Variants in SMAD4 observed in about 807,000 individuals in gnomAD.
SMAD4 encodes the protein MAD homolog 4.
SMAD4 carries 7 observed loss-of-function variants against 63.2 expected under a neutral mutation model. The observed-to-expected ratio is 0.11, with a 90% CI of 0.06 to 0.21. The LOEUF (loss-of-function observed/expected upper bound fraction) is 0.21. Among genes scored for constraint, SMAD4 ranks in the 10% least tolerant of loss-of-function variants. SMAD4 has a pLI of 1.00. For missense variants in SMAD4, 312 were observed against 693.8 expected (o/e 0.45, Z 6.18); for synonymous variants, 215 against 235.4 (o/e 0.91, Z 0.79).
At position 51,065,211 on chromosome 18, in the gene SMAD4, A is replaced by G. The variant is rs147026915; in HGVS notation, c.956-212A>G. On this transcript the variant is annotated intron_variant, in intron 8 of 11. Transcript: ENST00000342988. The stretch of plus-strand genomic sequence containing the variant: ...AAAAAAAAAAATTAGTGTTTTAAGA[A>G]CAGTGCTAAGTACTGAGCTAGAAAA... Among the ~76,000 whole-genome samples, 230 of 152,344 alleles carry G rather than the reference A, an allele frequency of 1.5e-3. 2 individuals are homozygous for G. Among genetic ancestry groups the G allele is most frequent in the Middle Eastern group, 0.01 (3 of 294 alleles).
rs768086109 is a variant in SMAD4, at chr18:51,076,686, A to G, written c.1357A>G (p.Thr453Ala). 1 of 1,611,600 alleles carries G rather than the reference A, an allele frequency of 6.2e-7. No individual in the cohort carries two copies. Among genetic ancestry groups the G allele is most frequent in the Non-Finnish European group, 8.5e-7 (1 of 1,177,714 alleles). ...CHRQMQQQAA[T>A]AQAAAAAQAA... ...TCGACAGATGCAGCAGCAGGCGGCT[A>G]CTGCACAAGCTGCAGCAGCTGCCCA... Residue 453 changes from threonine to alanine, a missense_variant, in exon 11 of 12, where the codon ACT (threonine) becomes GCT (alanine). Thr to Ala is a moderately conservative substitution (Grantham distance 58). Around this residue, in one of 4 missense-constraint regions of SMAD4, gnomAD observed 92 missense variants for 305.9 expected, o/e 0.30. Transcript: ENST00000342988.
intron 4 of SMAD4, chr18:51,051,546 A>G (rs1320973740): frequency 2.7e-6 from 1 of 376,752 alleles, no homozygotes; most frequent in Non-Finnish European, 5.2e-6. Context: ...ATTCATTTTA[A>G]CAAGTATTTA....
chr18:51,041,235 C>T (rs996894407), intron 1 of SMAD4, among the ~76,000 whole-genome samples: 3 of 152,212 alleles, frequency 2.0e-5, no homozygotes, highest in African/African-American at 7.2e-5. Flanking sequence ...TGAACCTACT[C>T]TAGACAAAGC....
intron 8 of SMAD4, among the ~76,000 whole-genome samples, chr18:51,060,905 A>G (rs1398750647): frequency 1.3e-5 from 2 of 151,852 alleles, no homozygotes; most frequent in Non-Finnish European, 2.9e-5. Flanking sequence ...TTATTTATTT[A>G]TTTATTTATT....
intron 10 of SMAD4, among the ~76,000 whole-genome samples, chr18:51,067,559 C>A (rs1327896995): frequency 6.6e-6 from 1 of 151,876 alleles, no homozygotes; most frequent in Non-Finnish European, 1.5e-5. Context: ...ATTACAGGCA[C>A]ATGTTACTGT....
intron 10 of SMAD4, among the ~76,000 whole-genome samples, chr18:51,073,667 A>T (rs1447297679): frequency 3.3e-5 from 5 of 151,668 alleles, no homozygotes; most frequent in Non-Finnish European, 7.4e-5. Flanking sequence ...AGTATCTGGG[A>T]TCACAAGCTT....
rs575797348 is a variant in SMAD4 at position 51,084,157 on chromosome 18, T to A, written c.*5690T>A. 35 of 220,120 alleles carry A rather than the reference T, an allele frequency of 1.6e-4. No homozygotes were observed. Among genetic ancestry groups the A allele is most frequent in the Middle Eastern group, 2.6e-3 (2 of 758 alleles). The allele number at this position is 220,120 out of a possible 1,614,324, so 13.6% of individuals were successfully genotyped here. On this transcript the variant is annotated 3_prime_UTR_variant, in exon 12 of 12. Coordinates refer to ENST00000342988, the MANE Select transcript of SMAD4 (RefSeq NM_005359.6). ...TTATTAAGGCTTTCGAGTCATGACA[T>A]TATAGCTTTTGAGTTGGTGTGTGTG...
At chr18:51,042,437 T>G (rs534389255) in intron 1 of SMAD4, among the ~76,000 whole-genome samples, 1 of 151,978 alleles carries the variant, frequency 6.6e-6, no homozygotes, top group Admixed American at 6.6e-5. Context: ...AGTGGCGTGA[T>G]CTTGGCTCAC....
intron 8 of SMAD4, among the ~76,000 whole-genome samples, chr18:51,063,436 G>A (rs554554420): frequency 2.5e-4 from 38 of 151,402 alleles, no homozygotes; most frequent in Non-Finnish European, 5.0e-4. Flanking sequence ...TTTTTGAGAC[G>A]GGGTCTCACT....
rs752709023 is a variant in SMAD4, at chr18:51,065,619, T to C, written c.1139+13T>C. ...TTGAGAGAGCAAGGTATTGATTGTA[T>C]AGTCAGATAGTTACTTTAAAAAATT... On this transcript the variant is annotated intron_variant, in intron 9 of 11. Coordinates refer to ENST00000342988, the MANE Select transcript of SMAD4 (RefSeq NM_005359.6). 6.2e-7 allele frequency: 1 copy of C among 1,607,540 alleles called. No homozygotes were observed. Among genetic ancestry groups the C allele is most frequent in the East Asian group, 2.2e-5 (1 of 44,848 alleles).
intron 11 of SMAD4, among the ~76,000 whole-genome samples, chr18:51,077,801 G>T (rs142749258): frequency 4.2e-4 from 64 of 152,226 alleles, no homozygotes; most frequent in African/African-American, 1.4e-3. Flanking sequence ...TTGAGAGAGA[G>T]ACTTCATCTC....
At chr18:51,073,388 T>TATATATATA (rs1417299090) in intron 10 of SMAD4, among the ~76,000 whole-genome samples, 32 of 64,160 alleles carry the variant, frequency 5.0e-4, no homozygotes, top group Non-Finnish European at 7.4e-4. Flanking sequence ...TATATATATA[T>TATATATATA]ACACACACAC....
intron 1 of SMAD4, among the ~76,000 whole-genome samples, chr18:51,045,408 G>T (rs935235396): frequency 1.2e-4 from 18 of 152,144 alleles, no homozygotes; most frequent in African/African-American, 4.1e-4. Flanking sequence ...AGCACACAAA[G>T]TACAGGCTCC....
chr18:51,073,062 C>T (rs2144465378), intron 10 of SMAD4, among the ~76,000 whole-genome samples: 1 of 152,012 alleles, frequency 6.6e-6, no homozygotes, highest in South Asian at 2.1e-4. Flanking sequence ...CGTAAATAAT[C>T]TGTGGAAGGG....
intron 7 of SMAD4, among the ~76,000 whole-genome samples, chr18:51,058,893 T>C (rs964546237): frequency 1.3e-4 from 20 of 152,338 alleles, no homozygotes; most frequent in Middle Eastern, 3.4e-3. Flanking sequence ...TTGGGAGGAA[T>C]ACCCTACAGA....
chr18:51,056,002 A>T (rs1909835864), intron 5 of SMAD4, among the ~76,000 whole-genome samples: 1 of 152,192 alleles, frequency 6.6e-6, no homozygotes. Context: ...CACCACTTCA[A>T]AGCAACATGT....
chr18:51,076,615 T>A (rs1910476507), intron 10 of SMAD4, 23 bp from the exon 11 acceptor site: 1 of 1,611,856 alleles, frequency 6.2e-7, no homozygotes, highest in Non-Finnish European at 8.5e-7. Context: ...GAACTCATAG[T>A]ATGAAATGTT....
chr18:51,052,872 C>T, intron 4 of SMAD4: 1 of 157,864 alleles, frequency 6.3e-6, no homozygotes, highest in Middle Eastern at 6.5e-4. Context: ...TTTAAACATG[C>T]ATATGATCAT....
At chr18:51,066,783 T>C in intron 9 of SMAD4, 1 of 481,378 alleles carries the variant, frequency 2.1e-6, no homozygotes, top group Non-Finnish European at 3.7e-6. Flanking sequence ...AAGGGTTTAA[T>C]GAGAATTCAT....
Sources: gnomAD v4.1 joint callset for allele counts (sites outside exome capture counted in the v4.1 genomes callset) on GRCh38, gnomAD v4.1.1 for gene constraint, gnomAD v4.1.1 regional missense constraint, MANE v1.5 for transcripts, NCBI Gene and HGNC (gene_info 2026-07-23, HGNC 2026-07-21) for gene names.